SYN3: variants seen among roughly 807,000 people sequenced by gnomAD.
SYN3 encodes synapsin-3.
SYN3 carries 35 observed loss-of-function variants against 65.8 expected under a neutral mutation model. The ratio of observed to expected loss-of-function variants is 0.53; its 90% CI spans 0.41 to 0.70. The LOEUF is 0.70. Among genes scored for constraint, SYN3 ranks in the 30% least tolerant of loss-of-function variants. The probability of loss-of-function intolerance (pLI) is 0.00; values close to 1 mark genes in which losing one functional copy is unlikely to be tolerated. For synonymous variants in SYN3, 270 were observed against 292.9 expected (o/e 0.92, Z 0.80); for missense variants, 680 against 749.0 (o/e 0.91, Z 1.08).
At chr22:32,877,683 T>C (rs1251134556) in intron 4 of SYN3, among the ~76,000 whole-genome samples, 1 of 152,158 alleles carries the variant, frequency 6.6e-6, no homozygotes, top group African/African-American at 2.4e-5. Context: ...TTCTGTGGCA[T>C]GATCACTGTC....
intron 7 of SYN3, among the ~76,000 whole-genome samples, chr22:32,588,946 A>C (rs1467034292): frequency 6.6e-6 from 1 of 152,242 alleles, no homozygotes; most frequent in East Asian, 1.9e-4. Flanking sequence ...GTAACTCAGA[A>C]GTTACTGCCT....
At chr22:32,639,458 G>A (rs1284659818) in intron 6 of SYN3, among the ~76,000 whole-genome samples, 1 of 152,162 alleles carries the variant, frequency 6.6e-6, no homozygotes, top group Non-Finnish European at 1.5e-5. Flanking sequence ...TGGTCTATGT[G>A]TCTGTTTTGT....
chr22:32,572,481 CCCTT>C (rs1037122755), intron 7 of SYN3, among the ~76,000 whole-genome samples: 2 of 113,876 alleles, frequency 1.8e-5, no homozygotes, highest in Non-Finnish European at 3.7e-5. Flanking sequence ...CTCCTTCCCT[CCCTT>C]CCTTTTCTTC....
intron 4 of SYN3, among the ~76,000 whole-genome samples, chr22:32,878,014 T>A (rs1159040965): frequency 6.6e-6 from 1 of 152,194 alleles, no homozygotes; most frequent in South Asian, 2.1e-4. Flanking sequence ...TAATAATAGC[T>A]TTATTTTTCA....
intron 6 of SYN3, among the ~76,000 whole-genome samples, chr22:32,780,974 CTT>C (rs130541): frequency 0.045 from 3,363 of 74,778 alleles, 58 homozygotes; most frequent in East Asian, 0.19. Flanking sequence ...TCCTTCCTTC[CTT>C]CCCTCCTTCC....
Position 32,588,318 on chromosome 22 carries a change from T to C in SYN3, c.774+8356A>G, listed in dbSNP as rs540861869. Among the ~76,000 whole-genome samples the C allele has an allele frequency of 8.2e-4, 125 of 152,288 alleles. 1 individual carries two copies. The highest frequency in any genetic ancestry group is 3.4e-3 in the Middle Eastern group (1 of 294). On this transcript the variant is annotated intron_variant, in intron 7 of 13. Coordinates refer to ENST00000358763, the MANE Select transcript of SYN3 (RefSeq NM_003490.4). Reference sequence around the variant, plus strand: ...AAGTGAGGTGCTGGGAGTCAAGCCCTGAGAGCCTGAATCTATGAAATAAGG... The same window carrying C: ...AAGTGAGGTGCTGGGAGTCAAGCCCCGAGAGCCTGAATCTATGAAATAAGG...
At chr22:33,052,576 A>G (rs2054187065) in intron 1 of SYN3, among the ~76,000 whole-genome samples, 1 of 148,068 alleles carries the variant, frequency 6.8e-6, no homozygotes, top group South Asian at 2.1e-4. Context: ...ACCTAGCAGA[A>G]GAGGAACAAA....
intron 6 of SYN3, among the ~76,000 whole-genome samples, chr22:32,814,349 G>GAA (rs1315475497): frequency 2.7e-4 from 40 of 148,426 alleles, no homozygotes; most frequent in Admixed American, 5.4e-4. Flanking sequence ...GAGAAAGAAA[G>GAA]AGAGAAAGAA....
At chr22:32,972,378 G>C (rs1569367824) in intron 3 of SYN3, among the ~76,000 whole-genome samples, 1 of 152,094 alleles carries the variant, frequency 6.6e-6, no homozygotes, top group African/African-American at 2.4e-5. Flanking sequence ...GAAAAATGAG[G>C]GTGCAGTGGA....
chr22:32,918,256 G>A (rs912919698), intron 4 of SYN3, among the ~76,000 whole-genome samples: 3 of 152,220 alleles, frequency 2.0e-5, no homozygotes, highest in Non-Finnish European at 4.4e-5. Context: ...CCTCAAGGAA[G>A]GTTCAGTCCA....
chr22:32,657,790 C>A lies in SYN3; in HGVS notation c.712-61054G>T, dbSNP rs1048865446. ...CTCCTCAATGCATGCCAGCCAGGCA[C>A]AACCAAAGTGCAGACCTACAGCCCC... is the stretch of plus-strand genomic sequence containing the variant. On this transcript the variant is annotated intron_variant, in intron 6 of 13. Transcript: ENST00000358763. Among the ~76,000 whole-genome samples, 215 of 152,316 alleles carry A rather than the reference C, an allele frequency of 1.4e-3. 3 individuals are homozygous for A. Among genetic ancestry groups the A allele is most frequent in the Non-Finnish European group, 2.6e-4 (18 of 68,030 alleles).
At chr22:32,619,175 C>T (rs1187735571) in intron 6 of SYN3, among the ~76,000 whole-genome samples, 1 of 152,174 alleles carries the variant, frequency 6.6e-6, no homozygotes, top group African/African-American at 2.4e-5. Flanking sequence ...TCACAGCATG[C>T]TTAGGTGATT....
chr22:32,748,888 T>G (rs9619305), intron 6 of SYN3, among the ~76,000 whole-genome samples: 96,217 of 151,976 alleles, frequency 0.63, 31,712 homozygotes, highest in African/African-American at 0.83. Context: ...CTGGCTTAGC[T>G]AGTGACTAAA....
intron 6 of SYN3, among the ~76,000 whole-genome samples, chr22:32,809,952 T>C (rs1017448271): frequency 6.6e-6 from 1 of 152,232 alleles, no homozygotes; most frequent in African/African-American, 2.4e-5. Flanking sequence ...TTCTCCCTGT[T>C]ACCCACAGTG....
intron 10 of SYN3, 124 bp downstream of exon 10, chr22:32,533,669 T>C (rs1309816138): frequency 3.2e-6 from 2 of 631,894 alleles, no homozygotes; most frequent in African/African-American, 1.8e-5. Context: ...CACTGAGGCC[T>C]GGGTTGCGTG....
intron 4 of SYN3, among the ~76,000 whole-genome samples, chr22:32,892,274 C>T (rs893605954): frequency 9.2e-5 from 14 of 152,000 alleles, no homozygotes; most frequent in Middle Eastern, 3.4e-3. Context: ...CCAGCCTGAG[C>T]AACAGAGTGA....
intron 6 of SYN3, among the ~76,000 whole-genome samples, chr22:32,723,601 G>A (rs2147300758): frequency 6.6e-6 from 1 of 152,340 alleles, no homozygotes; most frequent in African/African-American, 2.4e-5. Flanking sequence ...ACTATTTTCA[G>A]GAGATGAACT....
At chr22:32,647,878 A>G (rs1944815776) in intron 6 of SYN3, among the ~76,000 whole-genome samples, 1 of 152,058 alleles carries the variant, frequency 6.6e-6, no homozygotes, top group Non-Finnish European at 1.5e-5. Flanking sequence ...AAGTGCTGGG[A>G]TTACATATTT....
At chr22:32,681,773 T>C (rs934882629) in intron 6 of SYN3, among the ~76,000 whole-genome samples, 1 of 152,220 alleles carries the variant, frequency 6.6e-6, no homozygotes, top group Non-Finnish European at 1.5e-5. Context: ...CATGAAGGCA[T>C]GTAGATAGTT....
Sources: gnomAD v4.1 joint callset for allele counts (sites outside exome capture counted in the v4.1 genomes callset) on GRCh38, gnomAD v4.1.1 for gene constraint, MANE v1.5 for transcripts, NCBI Gene and HGNC (gene_info 2026-07-23, HGNC 2026-07-21) for gene names.